The following SPMIP2 variants were observed in gnomAD, a reference collection of about 807,000 sequenced individuals.
SPMIP2 encodes sperm microtubule inner protein 2, also known as protein SPMIP2.
the SPMIP2 span, among the ~76,000 whole-genome samples, chr4:159,073,492 C>T: frequency 6.6e-6 from 1 of 152,146 alleles, no homozygotes; most frequent in Admixed American, 6.5e-5. Context: ...ACCTACTCTT[C>T]ATTCAGGCTC....
chr4:158,917,970 C>T, the SPMIP2 span, among the ~76,000 whole-genome samples: 1 of 152,078 alleles, frequency 6.6e-6, no homozygotes, highest in South Asian at 2.1e-4. Context: ...CCACCCACCT[C>T]GGCCTCCCAA....
chr4:159,002,195 T>C, the SPMIP2 span, among the ~76,000 whole-genome samples: 10 of 152,218 alleles, frequency 6.6e-5, no homozygotes, highest in African/African-American at 1.9e-4. Flanking sequence ...TAAATTTGTT[T>C]CTGTTCCTTA....
chr4:158,919,964 G>C, the SPMIP2 span, among the ~76,000 whole-genome samples: 1 of 152,186 alleles, frequency 6.6e-6, no homozygotes, highest in African/African-American at 2.4e-5. Flanking sequence ...GGTGGGGCCT[G>C]GTGGGAGGGG....
the SPMIP2 span, among the ~76,000 whole-genome samples, chr4:158,969,769 C>A: frequency 1.3e-5 from 2 of 151,986 alleles, no homozygotes; most frequent in African/African-American, 2.4e-5. Flanking sequence ...TTATATAAAC[C>A]TGGAGCAGTA....
At chr4:159,030,463 TTTTATTTATTTATTTATTTATTTATTTA>T in the SPMIP2 span, among the ~76,000 whole-genome samples, 4 of 142,330 alleles carry the variant, frequency 2.8e-5, no homozygotes, top group South Asian at 4.6e-4. Context: ...GAAAGCAAAA[TTTTATTTATTTATTTATTTATTTATTTA>T]TTTATTTATT....
At chr4:158,895,604 G>C in the SPMIP2 span, 1 of 603,910 alleles carries the variant, frequency 1.7e-6, no homozygotes, top group South Asian at 2.0e-5. Flanking sequence ...GGTAGGGTTT[G>C]AGATGGCTTG....
the SPMIP2 span, among the ~76,000 whole-genome samples, chr4:159,073,946 A>C: frequency 6.6e-6 from 1 of 152,310 alleles, no homozygotes; most frequent in East Asian, 1.9e-4. Flanking sequence ...TGGAGGTTGC[A>C]GTGAGCCAAG....
the SPMIP2 span, among the ~76,000 whole-genome samples, chr4:159,033,000 G>A: frequency 6.6e-6 from 1 of 152,110 alleles, no homozygotes; most frequent in African/African-American, 2.4e-5. Flanking sequence ...GCACATAAAT[G>A]TACATAGAAG....
the SPMIP2 span, among the ~76,000 whole-genome samples, chr4:158,910,971 G>C: frequency 6.6e-6 from 1 of 152,210 alleles, no homozygotes; most frequent in Non-Finnish European, 1.5e-5. Context: ...GATATGGTAT[G>C]ATAACCCAAA....
the SPMIP2 span, among the ~76,000 whole-genome samples, chr4:158,948,509 A>T: frequency 6.6e-6 from 1 of 151,800 alleles, no homozygotes; most frequent in African/African-American, 2.4e-5. Context: ...TCCTCTGTAA[A>T]TATCCTAATT....
At chr4:158,896,849 T>TA in the SPMIP2 span, among the ~76,000 whole-genome samples, 5 of 151,758 alleles carry the variant, frequency 3.3e-5, no homozygotes, top group African/African-American at 4.8e-5. Flanking sequence ...TAGTTTTTTT[T>TA]TTATTATTAT....
At chr4:158,969,726 T>C in the SPMIP2 span, among the ~76,000 whole-genome samples, 1 of 152,196 alleles carries the variant, frequency 6.6e-6, no homozygotes, top group Admixed American at 6.5e-5. Flanking sequence ...CAAGACTCTA[T>C]TGGAGGTGCC....
At chr4:158,983,572 G>A in the SPMIP2 span, among the ~76,000 whole-genome samples, 1 of 91,878 alleles carries the variant, frequency 1.1e-5, no homozygotes, top group Non-Finnish European at 2.1e-5. Flanking sequence ...CATAAGTGAA[G>A]GAGAAATAAA....
At chr4:159,000,494 C>CTTT in the SPMIP2 span, among the ~76,000 whole-genome samples, 37 of 129,970 alleles carry the variant, frequency 2.8e-4, no homozygotes, top group East Asian at 4.4e-4. Flanking sequence ...TCTTCTTCTT[C>CTTT]TTTTTTTTTT....
chr4:159,060,070 T>C, the SPMIP2 span, among the ~76,000 whole-genome samples: 1 of 152,314 alleles, frequency 6.6e-6, no homozygotes, highest in South Asian at 2.1e-4. Context: ...TACCTGACTG[T>C]TGTGTGCAGT....
chr4:158,981,103 T>A, the SPMIP2 span, among the ~76,000 whole-genome samples: 1 of 151,890 alleles, frequency 6.6e-6, no homozygotes, highest in Non-Finnish European at 1.5e-5. Context: ...AGAAAGGATA[T>A]CAGAGATTGA....
the SPMIP2 span, among the ~76,000 whole-genome samples, chr4:159,036,782 T>C: frequency 1.3e-5 from 2 of 152,234 alleles, no homozygotes; most frequent in Non-Finnish European, 2.9e-5. Context: ...CTGACCTGCA[T>C]TATGCTCTTC....
At chr4:158,993,040 G>A in the SPMIP2 span, among the ~76,000 whole-genome samples, 1 of 152,094 alleles carries the variant, frequency 6.6e-6, no homozygotes, top group Non-Finnish European at 1.5e-5. Context: ...CTGTGTGTGT[G>A]TGTGTCCAGT....
At chr4:159,034,950 A>G in the SPMIP2 span, 3 of 977,234 alleles carry the variant, frequency 3.1e-6, no homozygotes, top group Admixed American at 2.2e-5. Context: ...TTGCATTGTT[A>G]TATCCATTAT....
Sources: allele counts gnomAD v4.1 joint callset (sites outside exome capture counted in the v4.1 genomes callset), GRCh38; gene constraint gnomAD v4.1.1; transcripts MANE v1.5; gene names NCBI Gene and HGNC (gene_info 2026-07-23, HGNC 2026-07-21).